DYRK1A: variants seen among roughly 807,000 people sequenced by gnomAD.
The protein encoded by DYRK1A is dual specificity tyrosine phosphorylation regulated kinase 1A.
In DYRK1A, 9 loss-of-function variants were observed where a neutral mutation model predicts 79.7. The ratio of observed to expected loss-of-function variants is 0.11; its 90% CI spans 0.07 to 0.20. The LOEUF (loss-of-function observed/expected upper bound fraction) is 0.20. Ranked by LOEUF, DYRK1A falls within the 10% of genes least tolerant of loss-of-function variation. The probability of loss-of-function intolerance (pLI) is 1.00; values close to 1 mark genes in which losing one functional copy is unlikely to be tolerated. For missense variants in DYRK1A, 622 were observed against 956.0 expected (o/e 0.65, Z 4.61); for synonymous variants, 349 against 329.7 (o/e 1.06, Z -0.63).
At chr21:37,410,009 G>A (rs1428993410) in intron 1 of DYRK1A, among the ~76,000 whole-genome samples, 1 of 152,152 alleles carries the variant, frequency 6.6e-6, no homozygotes, top group Non-Finnish European at 1.5e-5. Flanking sequence ...TAAAATTAGA[G>A]ATTGAACATG....
rs1216359557 is a variant in DYRK1A, at chr21:37,519,918, T to G, written c.*7387T>G. 1 of 151,908 alleles carries G rather than the reference T, an allele frequency of 6.6e-6. No individual in the cohort carries two copies. The highest frequency in any genetic ancestry group is 2.4e-5 in the African/African-American group (1 of 41,240). The allele number at this position is 151,908 out of a possible 1,614,324, so 9.4% of individuals were successfully genotyped here. ...CACCACGCCCGGCTAATTTTTTTTG[T>G]GTATTTTTAGTAGAGATGGGGTTTC... On this transcript the variant is annotated 3_prime_UTR_variant, in exon 12 of 12. Coordinates refer to ENST00000647188, the MANE Select transcript of DYRK1A (RefSeq NM_001347721.2).
At position 37,403,644 on chromosome 21, in the gene DYRK1A, A is replaced by AT. The variant is rs1318770196; in HGVS notation, c.-76-16655_-76-16654insT. ...CTATGCTCAGCTAATTAAAAAAAAA[A>AT]AAAAATATATATATATATATGTGTG... On this transcript the variant is annotated intron_variant, in intron 1 of 11. Transcript: ENST00000647188. Among the ~76,000 whole-genome samples, 173 of 105,912 alleles carry AT rather than the reference A, an allele frequency of 1.6e-3. 2 individuals carry two copies. The highest frequency in any genetic ancestry group is 1.4e-3 in the African/African-American group (36 of 25,072). The allele number at this position is 105,912 out of a possible 152,430, so 69.5% of individuals were successfully genotyped here.
intron 1 of DYRK1A, among the ~76,000 whole-genome samples, chr21:37,368,386 G>GTAGC: frequency 6.6e-6 from 1 of 152,344 alleles, no homozygotes; most frequent in Non-Finnish European, 1.5e-5. Flanking sequence ...AAGCTGCTGA[G>GTAGC]TAGCTCAGTA....
intron 6 of DYRK1A, 114 bp from the exon 7 acceptor site, chr21:37,490,061 A>T: frequency 9.1e-7 from 1 of 1,094,552 alleles, no homozygotes; most frequent in African/African-American, 1.6e-5. Flanking sequence ...TCCAAACTTT[A>T]ACTGAACTCT....
rs1025514630 is a variant in DYRK1A, at chr21:37,500,771, A to AT, written c.1213-4503dup. On this transcript the variant is annotated intron_variant, in intron 9 of 11. Coordinates refer to ENST00000647188, the MANE Select transcript of DYRK1A (RefSeq NM_001347721.2). ...AACTTATCAATAATATTTTACTATA[A>AT]TTTTTTTTTAATATCTAGAGAATCT... is the stretch of plus-strand genomic sequence containing the variant. Among the ~76,000 whole-genome samples the AT allele has an allele frequency of 4.6e-5, 7 of 151,186 alleles. 1 individual carries two copies. Among genetic ancestry groups the AT allele is most frequent in the Non-Finnish European group, 7.4e-5 (5 of 67,786 alleles).
chr21:37,403,695 G>A (rs1388931169), intron 1 of DYRK1A, among the ~76,000 whole-genome samples: 1 of 140,486 alleles, frequency 7.1e-6, no homozygotes, highest in East Asian at 2.1e-4. Flanking sequence ...GTGTGTGTGT[G>A]TGTGTTCACC....
chr21:37,381,558 G>A (rs950023441), intron 1 of DYRK1A, among the ~76,000 whole-genome samples: 2 of 152,168 alleles, frequency 1.3e-5, no homozygotes, highest in African/African-American at 4.8e-5. Flanking sequence ...TCTTCTAGCC[G>A]ACACAGTGAA....
intron 2 of DYRK1A, among the ~76,000 whole-genome samples, chr21:37,437,262 A>G (rs1384749035): frequency 2.0e-5 from 3 of 152,216 alleles, no homozygotes. Context: ...CCCTCCATGA[A>G]TGTTTGCAAG....
intron 9 of DYRK1A, among the ~76,000 whole-genome samples, chr21:37,499,766 C>A (rs2053384359): frequency 6.6e-6 from 1 of 152,060 alleles, no homozygotes; most frequent in African/African-American, 2.4e-5. Context: ...GATTTTGTAT[C>A]CTAAGACCTT....
In DYRK1A at chr21:37,403,661, ATATG is replaced by A. The variant is rs1156603882; in HGVS notation, c.-76-16636_-76-16633del. Among the ~76,000 whole-genome samples, 739 of 113,306 alleles carry A rather than the reference ATATG, an allele frequency of 6.5e-3. 2 individuals are homozygous for A. Among genetic ancestry groups the A allele is most frequent in the African/African-American group, 0.016 (499 of 30,676 alleles). The allele number at this position is 113,306 out of a possible 152,430, so 74.3% of individuals were successfully genotyped here. A position where few individuals can be genotyped will look rare whatever the true frequency, so the allele number is the denominator to read the frequency against. On this transcript the variant is annotated intron_variant, in intron 1 of 11. Transcript: ENST00000647188. ...AAAAAAAAAAAAAATATATATATAT[ATATG>A]TGTGTGTGTGTGTGTGTGTGTGTGT... is the stretch of plus-strand genomic sequence containing the variant.
At chr21:37,439,429 GT>G (rs1408050448) in intron 2 of DYRK1A, among the ~76,000 whole-genome samples, 1 of 152,244 alleles carries the variant, frequency 6.6e-6, no homozygotes, top group South Asian at 2.1e-4. Context: ...TAGCTGTAGA[GT>G]TTTTTTGTCA....
chr21:37,372,295 A>AAAAC (rs1312268366), intron 1 of DYRK1A, among the ~76,000 whole-genome samples: 3 of 31,314 alleles, frequency 9.6e-5, no homozygotes, highest in African/African-American at 6.4e-4. Flanking sequence ...AAAACAAAAC[A>AAAAC]AAAAAAAAAC....
At chr21:37,479,901 A>G (rs1048490495) in intron 4 of DYRK1A, among the ~76,000 whole-genome samples, 8 of 151,960 alleles carry the variant, frequency 5.3e-5, no homozygotes, top group African/African-American at 1.2e-4. Flanking sequence ...TGCTGGGATT[A>G]CAGGTGTGAG....
chr21:37,437,619 T>C (rs927334512), intron 2 of DYRK1A, among the ~76,000 whole-genome samples: 5 of 152,182 alleles, frequency 3.3e-5, no homozygotes, highest in Non-Finnish European at 7.4e-5. Flanking sequence ...ATAAACAGGA[T>C]TATATGTGTT....
chr21:37,391,939 C>A (rs181425396), intron 1 of DYRK1A, among the ~76,000 whole-genome samples: 2 of 152,244 alleles, frequency 1.3e-5, no homozygotes, highest in African/African-American at 4.8e-5. Flanking sequence ...ATCCTCTAAA[C>A]TAGTAAAGCC....
chr21:37,406,741 A>ATATATC (rs2050152575), intron 1 of DYRK1A, among the ~76,000 whole-genome samples: 1 of 147,456 alleles, frequency 6.8e-6, no homozygotes, highest in Admixed American at 6.8e-5. Flanking sequence ...GTATATCTCT[A>ATATATC]TATATCTCTA....
chr21:37,437,866 A>G (rs572836937), intron 2 of DYRK1A, among the ~76,000 whole-genome samples: 23 of 152,284 alleles, frequency 1.5e-4, no homozygotes, highest in African/African-American at 4.6e-4. Flanking sequence ...TTTATTTCCT[A>G]ACATTGGAGT....
In DYRK1A at chr21:37,516,413, G is replaced by A. The variant is rs1397600726; in HGVS notation, c.*3882G>A. ...GAGAAGTTCTGATTTTCATAACCCT[G>A]GTTTCTTATCTAGGCCTGTTTCCTT... On this transcript the variant is annotated 3_prime_UTR_variant, in exon 12 of 12. Coordinates refer to ENST00000647188, the MANE Select transcript of DYRK1A (RefSeq NM_001347721.2). 6.6e-6 allele frequency: 1 copy of A among 152,144 alleles called. No homozygotes were observed. The highest frequency in any genetic ancestry group is 2.1e-4 in the South Asian group (1 of 4,826). The allele number at this position is 152,144 out of a possible 1,614,324, so 9.4% of individuals were successfully genotyped here.
chr21:37,494,350 C>T (rs2148622549), intron 8 of DYRK1A, among the ~76,000 whole-genome samples: 1 of 152,066 alleles, frequency 6.6e-6, no homozygotes, highest in African/African-American at 2.4e-5. Context: ...ATTGTAAAGG[C>T]CGAGGTCCTT....
Sources: allele counts gnomAD v4.1 joint callset (sites outside exome capture counted in the v4.1 genomes callset), GRCh38; gene constraint gnomAD v4.1.1; transcripts MANE v1.5; gene names NCBI Gene and HGNC (gene_info 2026-07-23, HGNC 2026-07-21).